Variants in ENTPD1 observed in about 807,000 individuals in gnomAD.
ENTPD1 encodes the protein ectonucleoside triphosphate diphosphohydrolase 1.
In ENTPD1, 33 loss-of-function variants were observed where a neutral mutation model predicts 57.0. That is an observed-to-expected ratio of 0.58 (90% CI 0.44 to 0.77). ENTPD1 has a LOEUF of 0.77. ENTPD1 is among the 30% of genes least tolerant of loss of function. ENTPD1 has a pLI of 0.00. For synonymous variants in ENTPD1, 202 were observed against 218.8 expected (o/e 0.92, Z 0.68); for missense variants, 501 against 603.4 (o/e 0.83, Z 1.78).
chr10:95,876,543 T>A lies in ENTPD1; in HGVS notation c.*10160T>A. On this transcript the variant is annotated 3_prime_UTR_variant, in exon 10 of 10. Transcript: ENST00000371205. ...CTTTGCAATAGTCAACTGAACCATC[T>A]TCTTGGAGTACTCATGAAGATGGAA... The A allele has an allele frequency of 8.1e-7, 1 of 1,231,308 alleles. No homozygotes were observed. The highest frequency in any genetic ancestry group is 1.5e-5 in the African/African-American group (1 of 64,530). 76.3% of individuals were successfully genotyped at this position (1,231,308 alleles called of 1,614,324 possible). A position where few individuals can be genotyped will look rare whatever the true frequency, so the allele number is the denominator to read the frequency against.
intron 1 of ENTPD1, among the ~76,000 whole-genome samples, chr10:95,792,815 G>A (rs1247814066): frequency 6.6e-6 from 1 of 152,164 alleles, no homozygotes; most frequent in Non-Finnish European, 1.5e-5. Flanking sequence ...GCACGGGAAA[G>A]CATTTGTTAT....
At chr10:95,732,317 C>G (rs527901954) in intron 1 of ENTPD1, among the ~76,000 whole-genome samples, 76 of 152,114 alleles carry the variant, frequency 5.0e-4, no homozygotes, top group Non-Finnish European at 9.4e-4. Context: ...AGGCAAAGTT[C>G]TTGCAATTTT....
chr10:95,835,059 C>T (rs560297435), intron 2 of ENTPD1, among the ~76,000 whole-genome samples: 1 of 152,158 alleles, frequency 6.6e-6, no homozygotes, highest in East Asian at 1.9e-4. Context: ...GAACATAGAA[C>T]CTGACAGGTA....
At chr10:95,770,432 A>C (rs1321970257) in intron 1 of ENTPD1, among the ~76,000 whole-genome samples, 1 of 152,186 alleles carries the variant, frequency 6.6e-6, no homozygotes, top group Non-Finnish European at 1.5e-5. Context: ...GGCATTTGGC[A>C]CAGTGAATGT....
At chr10:95,824,893 C>T (rs780317743) in intron 2 of ENTPD1, among the ~76,000 whole-genome samples, 1 of 152,178 alleles carries the variant, frequency 6.6e-6, no homozygotes, top group Non-Finnish European at 1.5e-5. Flanking sequence ...TCATTGGCAT[C>T]TGAAGTGAAT....
intron 1 of ENTPD1, among the ~76,000 whole-genome samples, chr10:95,737,225 T>TG (rs2097995566): frequency 1.3e-5 from 2 of 151,970 alleles, no homozygotes; most frequent in Admixed American, 1.3e-4. Context: ...GCTCGTCTAG[T>TG]GGGGGAGTAA....
Position 95,871,100 on chromosome 10 carries a change from T to TA in ENTPD1, c.*4719dup. 1.0e-6 allele frequency: 1 copy of TA among 985,426 alleles called. No homozygotes were observed. The allele number at this position is 985,426 out of a possible 1,614,324, so 61.0% of individuals were successfully genotyped here. ...CTGTCACTTCTGTCACAGGCTATTG[T>TA]AAGTCATATGAGCAAGCTCAATAAA... On this transcript the variant is annotated 3_prime_UTR_variant, in exon 10 of 10. Coordinates refer to ENST00000371205, the MANE Select transcript of ENTPD1 (RefSeq NM_001776.6).
At chr10:95,832,379 C>T (rs1419901297) in intron 2 of ENTPD1, among the ~76,000 whole-genome samples, 1 of 152,064 alleles carries the variant, frequency 6.6e-6, no homozygotes, top group African/African-American at 2.4e-5. Context: ...CTGTGAGACA[C>T]AATGAGAACT....
chr10:95,717,048 G>A (rs531694773), intron 1 of ENTPD1, among the ~76,000 whole-genome samples: 1 of 152,338 alleles, frequency 6.6e-6, no homozygotes, highest in Admixed American at 6.5e-5. Flanking sequence ...GTGTGGGTAG[G>A]CATGGGCCGT....
chr10:95,829,340 C>T (rs1057359055), intron 2 of ENTPD1, among the ~76,000 whole-genome samples: 4 of 152,190 alleles, frequency 2.6e-5, no homozygotes, highest in Admixed American at 2.0e-4. Context: ...GGGGATTTAT[C>T]CCCTGGTTCT....
the ENTPD1 span, among the ~76,000 whole-genome samples, chr10:95,702,166 TA>T: frequency 6.6e-6 from 1 of 151,850 alleles, no homozygotes; most frequent in Non-Finnish European, 1.5e-5. Flanking sequence ...AAGATCAAAT[TA>T]AAAAACACAA....
intron 1 of ENTPD1, among the ~76,000 whole-genome samples, chr10:95,813,070 G>A (rs1362528496): frequency 6.6e-6 from 1 of 151,960 alleles, no homozygotes; most frequent in African/African-American, 2.4e-5. Flanking sequence ...ACTTTGATTT[G>A]TTAACTTACA....
At position 95,845,460 on chromosome 10, in the gene ENTPD1, A is replaced by C; in HGVS notation, c.677A>C (p.Gln226Pro). The change falls in exon 6 of 10, where the codon CAA becomes CCA. Residue 226 changes from glutamine (Q) to proline (P), a missense_variant. Gln to Pro is a moderately conservative substitution (Grantham distance 76). Transcript: ENST00000371205. ...TCTACACAAGTCACTTTTGTACCCC[A>C]AAACCAGACTATCGAGTCCCCAGAT... is the stretch of plus-strand genomic sequence containing the variant. ...GASTQVTFVP[Q>P]NQTIESPDNA... is the part of the protein sequence containing the mutation. 2 of 1,614,216 alleles carry C rather than the reference A, an allele frequency of 1.2e-6. No homozygotes were observed. The highest frequency in any genetic ancestry group is 1.7e-6 in the Non-Finnish European group (2 of 1,180,036).
upstream of ENTPD1, chr10:95,754,229 A>T (rs147231885): frequency 6.8e-6 from 1 of 146,926 alleles, no homozygotes; most frequent in African/African-American, 2.5e-5. Context: ...AATCACTTGA[A>T]CCCGGGAGGC....
At position 95,873,696 on chromosome 10, in the gene ENTPD1, A is replaced by G. The variant is rs1232293323; in HGVS notation, c.*7313A>G. ...ACATTTAGATTGGTTTTTAAAAACT[A>G]TGATTGTATTAGTTCGTTTCCATGC... is the stretch of plus-strand genomic sequence containing the variant. On this transcript the variant is annotated 3_prime_UTR_variant, in exon 10 of 10. Coordinates refer to ENST00000371205, the MANE Select transcript of ENTPD1 (RefSeq NM_001776.6). The G allele has an allele frequency of 1.2e-5, 12 of 984,926 alleles. No individual in the cohort carries two copies. Among genetic ancestry groups the G allele is most frequent in the Non-Finnish European group, 6.0e-6 (5 of 829,564 alleles). The allele number at this position is 984,926 out of a possible 1,614,324, so 61.0% of individuals were successfully genotyped here. A position where few individuals can be genotyped will look rare whatever the true frequency, so the allele number is the denominator to read the frequency against.
At chr10:95,856,152 C>G (rs1405678606) in intron 7 of ENTPD1, among the ~76,000 whole-genome samples, 1 of 152,108 alleles carries the variant, frequency 6.6e-6, no homozygotes, top group South Asian at 2.1e-4. Context: ...ATTCTTTTTT[C>G]TCTAAACTTC....
At chr10:95,742,469 T>C (rs1408016312) in intron 1 of ENTPD1, among the ~76,000 whole-genome samples, 2 of 152,150 alleles carry the variant, frequency 1.3e-5, no homozygotes, top group East Asian at 3.8e-4. Context: ...ATTTGGAAAC[T>C]TTTTAAGATA....
intron 1 of ENTPD1, among the ~76,000 whole-genome samples, chr10:95,765,825 T>A (rs2140043823): frequency 6.6e-6 from 1 of 152,306 alleles, no homozygotes; most frequent in South Asian, 2.1e-4. Context: ...ACATATGATG[T>A]CTTTCTGTGT....
At chr10:95,794,977 G>T (rs918868563) in intron 1 of ENTPD1, among the ~76,000 whole-genome samples, 6 of 152,150 alleles carry the variant, frequency 3.9e-5, no homozygotes, top group African/African-American at 9.7e-5. Flanking sequence ...AAAGGATTGT[G>T]TTCTTTCTTG....
Sources: allele counts gnomAD v4.1 joint callset (sites outside exome capture counted in the v4.1 genomes callset), GRCh38; gene constraint gnomAD v4.1.1; transcripts MANE v1.5; gene names NCBI Gene and HGNC (gene_info 2026-07-23, HGNC 2026-07-21).